The following SMARCA2 variants were observed in gnomAD, a reference collection of about 807,000 sequenced individuals.
SMARCA2 encodes the protein SWI/SNF related BAF chromatin remodeling complex subunit ATPase 2, also known as SWI/SNF-related matrix-associated actin-dependent regulator of chromatin subfamily A member 2.
SMARCA2 carries 61 observed loss-of-function variants against 199.8 expected under a neutral mutation model. That is an observed-to-expected ratio of 0.31 (90% confidence interval 0.25 to 0.38). The LOEUF (loss-of-function observed/expected upper bound fraction) is 0.38. Ranked by LOEUF, SMARCA2 falls within the 10% of genes least tolerant of loss-of-function variation. The pLI is 1.00. For missense variants in SMARCA2, 1,344 were observed against 2,012.2 expected, an observed-to-expected ratio of 0.67 and a Z score of 6.35; for synonymous variants, 935 against 732.0, an observed-to-expected ratio of 1.28 and a Z score of -4.48.
rs199897032 is a variant in SMARCA2 at position 2,191,259 on chromosome 9, G to C, written c.4595-7G>C. On this transcript the variant is annotated splice_polypyrimidine_tract_variant and splice_region_variant and intron_variant, in intron 32 of 33. Transcript: ENST00000349721. ...ACTGGTGTCTATTTCATTTGCTTTG[G>C]TTTTAGCAAAATCAGTCAAGGTGAA... 4.4e-4 allele frequency: 702 copies of C among 1,613,704 alleles called. 7 individuals carry two copies. The Middle Eastern group carries it at 0.014, about 31-fold the overall frequency.
intron 27 of SMARCA2, among the ~76,000 whole-genome samples, chr9:2,144,136 G>A (rs1824601079): frequency 6.6e-6 from 1 of 152,138 alleles, no homozygotes; most frequent in East Asian, 1.9e-4. Flanking sequence ...ATGGACAGAA[G>A]TTAACTTGGA....
intron 19 of SMARCA2, chr9:2,096,455 G>GC (rs910460175): frequency 7.8e-5 from 37 of 473,198 alleles, no homozygotes; most frequent in South Asian, 1.8e-4. Context: ...CCTTCAGAAG[G>GC]CCCCCCCATC....
intron 9 of SMARCA2, among the ~76,000 whole-genome samples, chr9:2,065,041 C>T (rs918445656): frequency 2.6e-5 from 4 of 152,218 alleles, no homozygotes; most frequent in African/African-American, 4.8e-5. Context: ...AAAAATTAGC[C>T]GGGCGTGGTG....
chr9:2,082,306 G>GGTGTGTGTGTGTGTGT (rs3057852), intron 15 of SMARCA2, among the ~76,000 whole-genome samples: 1 of 121,796 alleles, frequency 8.2e-6, no homozygotes, highest in Non-Finnish European at 1.7e-5. Flanking sequence ...AAAGGGGAAA[G>GGTGTGTGTGTGTGTGT]GTGTGTGTGT....
At chr9:2,076,350 T>C (rs746829749) in intron 13 of SMARCA2, 21 bp downstream of exon 13, 2 of 1,372,238 alleles carry the variant, frequency 1.5e-6, no homozygotes, top group South Asian at 2.4e-5. Flanking sequence ...CATTTTTCCC[T>C]TGGAAATGCA....
In SMARCA2 at chr9:2,191,304, G is replaced by GA; in HGVS notation, c.4634dup (p.Asp1545GlufsTer2). ...GGTGAAAATTAAGCTCAATAAAAAAGATGACAAAGGCCGGGACAAAGGGAA... is the reference window on the plus strand; with the variant it reads ...GGTGAAAATTAAGCTCAATAAAAAAGAATGACAAAGGCCGGGACAAAGGGAA... On this transcript the variant is annotated frameshift_variant, in exon 33 of 34. Transcript: ENST00000349721. LOFTEE classifies it high-confidence loss of function. 6.2e-7 allele frequency: 1 copy of GA among 1,614,120 alleles called. No homozygotes were observed. Among genetic ancestry groups the GA allele is most frequent in the Non-Finnish European group, 8.5e-7 (1 of 1,180,004 alleles).
chr9:2,188,774 C>G (rs552910747), intron 32 of SMARCA2, among the ~76,000 whole-genome samples: 28 of 152,336 alleles, frequency 1.8e-4, no homozygotes, highest in African/African-American at 5.5e-4. Context: ...AGCCTGCATT[C>G]CTTTCTGGAT....
At chr9:2,168,207 T>A (rs1280502363) in intron 28 of SMARCA2, among the ~76,000 whole-genome samples, 1 of 151,940 alleles carries the variant, frequency 6.6e-6, no homozygotes, top group Non-Finnish European at 1.5e-5. Flanking sequence ...GACAGGGTTT[T>A]GCCATGTTGG....
At chr9:2,118,098 C>T (rs1262801051) in intron 25 of SMARCA2, among the ~76,000 whole-genome samples, 1 of 152,054 alleles carries the variant, frequency 6.6e-6, no homozygotes, top group East Asian at 1.9e-4. Flanking sequence ...TTGTCTGAGC[C>T]CCTCATGGTC....
intron 5 of SMARCA2, among the ~76,000 whole-genome samples, chr9:2,054,331 C>T (rs1451976329): frequency 2.0e-5 from 3 of 152,200 alleles, no homozygotes. Context: ...CCACTAGATG[C>T]AGGGTGAACC....
At chr9:2,187,417 A>T (rs983468850) in intron 32 of SMARCA2, among the ~76,000 whole-genome samples, 2 of 152,110 alleles carry the variant, frequency 1.3e-5, no homozygotes, top group East Asian at 3.9e-4. Context: ...CACAAATATA[A>T]TCCGAGCACT....
Position 2,110,820 on chromosome 9 carries a change from T to C in SMARCA2, c.3456+403T>C, listed in dbSNP as rs1822959931. Among the ~76,000 whole-genome samples the C allele has an allele frequency of 6.6e-6, 1 of 152,228 alleles. No homozygotes were observed. Among genetic ancestry groups the C allele is most frequent in the Non-Finnish European group, 1.5e-5 (1 of 68,046 alleles). On this transcript the variant is annotated intron_variant, in intron 24 of 33. Transcript: ENST00000349721. This position sits in a 1 kb window ranked among gnomAD's most constrained non-coding sequence, Gnocchi z 4.8. ...TTTTCATTCAGTTTTACGACAACCC[T>C]GTCAGACGGTTAATATGATTTGAAT... is the stretch of plus-strand genomic sequence containing the variant.
chr9:2,127,415 A>G (rs1019982473), intron 27 of SMARCA2, among the ~76,000 whole-genome samples: 2 of 152,208 alleles, frequency 1.3e-5, no homozygotes, highest in African/African-American at 4.8e-5. Context: ...GGACCTATCC[A>G]GAAAAATAAA....
chr9:2,130,802 T>C (rs1307532071), intron 27 of SMARCA2, among the ~76,000 whole-genome samples: 3 of 152,214 alleles, frequency 2.0e-5, no homozygotes, highest in Non-Finnish European at 4.4e-5. Context: ...TATATTTGCT[T>C]CTTTATATGT....
At position 2,116,086 on chromosome 9, in the gene SMARCA2, G is replaced by T. The variant is rs759716956; in HGVS notation, c.3684+37G>T. On this transcript the variant is annotated intron_variant, in intron 25 of 33. Coordinates refer to ENST00000349721, the MANE Select transcript of SMARCA2 (RefSeq NM_003070.5). Reference sequence around the variant, plus strand: ...AACCCCAAGTTTATGAAATCAAACAGTGGCCTTTTGTCTCTGAAGGACTCA... The same window carrying T: ...AACCCCAAGTTTATGAAATCAAACATTGGCCTTTTGTCTCTGAAGGACTCA... 3.4e-6 allele frequency: 5 copies of T among 1,459,916 alleles called. No individual in the cohort carries two copies. The Admixed American group carries it at 8.7e-5, about 25-fold the overall frequency. 90.4% of individuals were successfully genotyped at this position (1,459,916 alleles called of 1,614,324 possible). A position where few individuals can be genotyped will look rare whatever the true frequency, so the allele number is the denominator to read the frequency against.
chr9:2,169,098 G>C lies in SMARCA2; in HGVS notation c.4200-1321G>C, dbSNP rs891897389. Among the ~76,000 whole-genome samples, 3 of 152,094 alleles carry C rather than the reference G, an allele frequency of 2.0e-5. No homozygotes were observed. The highest frequency in any genetic ancestry group is 2.9e-5 in the Non-Finnish European group (2 of 68,018). ...AAATAATGAAGACTTTCCCAATTCT[G>C]TGCCTTATTGCTGACACTCAGAGTC... On this transcript the variant is annotated intron_variant, in intron 28 of 33. Coordinates refer to ENST00000349721, the MANE Select transcript of SMARCA2 (RefSeq NM_003070.5). This position sits in a 1 kb window ranked among gnomAD's most constrained non-coding sequence, Gnocchi z 6.5.
chr9:2,171,649 G>A (rs780434591), intron 29 of SMARCA2, among the ~76,000 whole-genome samples: 2 of 152,190 alleles, frequency 1.3e-5, no homozygotes, highest in Non-Finnish European at 2.9e-5. Context: ...ACTCAGTCTG[G>A]ATTCTGACTT....
At chr9:2,124,975 G>C (rs923546248) in intron 27 of SMARCA2, among the ~76,000 whole-genome samples, 3 of 152,154 alleles carry the variant, frequency 2.0e-5, no homozygotes, top group African/African-American at 7.2e-5. Flanking sequence ...TTGGGGAGTT[G>C]TTCGTTTTAT....
chr9:2,042,683 C>T (rs1819661267), intron 4 of SMARCA2: 2 of 150,402 alleles, frequency 1.3e-5, no homozygotes, highest in African/African-American at 4.9e-5. Flanking sequence ...TAACCTGGCT[C>T]CGGTACCTAC....
Sources: allele counts gnomAD v4.1 joint callset (sites outside exome capture counted in the v4.1 genomes callset), GRCh38; gene constraint gnomAD v4.1.1; non-coding constraint Gnocchi (gnomAD v3.1); transcripts MANE v1.5; gene names NCBI Gene and HGNC (gene_info 2026-07-23, HGNC 2026-07-21).